The following CCDC9 variants were observed in gnomAD, a reference collection of about 807,000 sequenced individuals.
CCDC9 encodes coiled-coil domain containing 9.
In CCDC9, 52 loss-of-function variants were observed where a neutral mutation model predicts 65.6. That is an observed-to-expected ratio of 0.79 (90% confidence interval 0.63 to 1.00). The LOEUF (loss-of-function observed/expected upper bound fraction) is 1.00, where lower values mean the gene tolerates loss of function less well. Among genes scored for constraint, CCDC9 ranks in the 50% least tolerant of loss-of-function variants. The pLI, the probability that CCDC9 is intolerant of heterozygous loss-of-function variation, is 0.00. For missense variants in CCDC9, 834 were observed against 757.2 expected (o/e 1.10, Z -1.19); for synonymous variants, 332 against 280.3 (o/e 1.18, Z -1.84).
rs55857523 is a variant in CCDC9, at chr19:47,271,763, G to A, written c.*85G>A. ...CGCGCGCGCGCGCGCGCGCGCGCTA[G>A]AGGGGTGTGGCTGGTGGGGGACCCT... On this transcript the variant is annotated 3_prime_UTR_variant, in exon 12 of 12. Coordinates refer to ENST00000221922, the MANE Select transcript of CCDC9 (RefSeq NM_015603.3). 1.2e-5 allele frequency: 18 copies of A among 1,469,502 alleles called. No homozygotes were observed. The highest frequency in any genetic ancestry group is 1.4e-5 in the Non-Finnish European group (16 of 1,115,736). 91.0% of individuals were successfully genotyped at this position (1,469,502 alleles called of 1,614,324 possible).
chr19:47,270,196 T>C (rs2059106169), intron 8 of CCDC9, among the ~76,000 whole-genome samples: 1 of 152,002 alleles, frequency 6.6e-6, no homozygotes, highest in Admixed American at 6.6e-5. Context: ...CTTGAACTCC[T>C]GGGCTCAAGC....
At chr19:47,256,742 G>A (rs1420229369) in intron 1 of CCDC9, 133 bp downstream of exon 1, 1 of 143,870 alleles carries the variant, frequency 7.0e-6, no homozygotes, top group Non-Finnish European at 1.5e-5. Context: ...GCCCACATGG[G>A]AAGCTGGAGG....
chr19:47,271,652 G>C lies in CCDC9; in HGVS notation c.1570G>C (p.Glu524Gln). The change falls in exon 12 of 12, where the codon GAG (glutamate) becomes CAG (glutamine). Residue 524 changes from glutamate (E) to glutamine (Q), a missense_variant. Physicochemically the swap from Glu to Gln is conservative, Grantham distance 29. Coordinates refer to ENST00000221922, the MANE Select transcript of CCDC9 (RefSeq NM_015603.3). Reference protein sequence around the residue: ...THLAGALSPGEAWPFESV With the variant: ...THLAGALSPGQAWPFESV ...CCTGGCTGGCGCCCTCTCCCCGGGT[G>C]AGGCCTGGCCTTTTGAGAGTGTATG... is the stretch of plus-strand genomic sequence containing the variant. 6.2e-7 allele frequency: 1 copy of C among 1,602,614 alleles called. No homozygotes were observed. Among genetic ancestry groups the C allele is most frequent in the East Asian group, 2.2e-5 (1 of 44,538 alleles).
Position 47,258,672 on chromosome 19 carries a change from G to A in CCDC9, c.108+9G>A, listed in dbSNP as rs767524738. ...TCATCCGGCGCTACCAGGTGCCCTA[G>A]CCCCGCCCTGGGAGACCCCATCCCC... is the stretch of plus-strand genomic sequence containing the variant. On this transcript the variant is annotated intron_variant, in intron 3 of 11. Coordinates refer to ENST00000221922, the MANE Select transcript of CCDC9 (RefSeq NM_015603.3). The A allele has an allele frequency of 1.2e-6, 2 of 1,607,662 alleles. No individual in the cohort carries two copies. The highest frequency in any genetic ancestry group is 4.5e-5 in the East Asian group (2 of 44,856).
At chr19:47,265,417 A>G (rs1193190237) in intron 7 of CCDC9, among the ~76,000 whole-genome samples, 2 of 151,896 alleles carry the variant, frequency 1.3e-5, no homozygotes, top group South Asian at 2.1e-4. Context: ...ATCTCCCCTC[A>G]TTGTTAATGA....
intron 5 of CCDC9, among the ~76,000 whole-genome samples, chr19:47,261,517 G>A (rs1231609143): frequency 1.3e-5 from 2 of 151,992 alleles, no homozygotes; most frequent in Non-Finnish European, 2.9e-5. Context: ...CTTCCCCTGT[G>A]AGCTTCTGGT....
chr19:47,260,865 C>T, intron 5 of CCDC9, 26 bp downstream of exon 5: 2 of 1,594,968 alleles, frequency 1.3e-6, no homozygotes, highest in Admixed American at 1.8e-5. Flanking sequence ...CGCCTGGAGC[C>T]CTGGCTGAGG....
chr19:47,273,123 G>A (rs2059133862), downstream of CCDC9, among the ~76,000 whole-genome samples: 1 of 152,166 alleles, frequency 6.6e-6, no homozygotes, highest in South Asian at 2.1e-4. Context: ...TCGGGAGCCA[G>A]ATCTCGCCAC....
intron 7 of CCDC9, among the ~76,000 whole-genome samples, chr19:47,265,306 C>T (rs1233056718): frequency 1.3e-5 from 2 of 152,128 alleles, no homozygotes; most frequent in African/African-American, 2.4e-5. Flanking sequence ...CCACCTGCCT[C>T]GGCCTCCCAA....
In CCDC9 at chr19:47,267,989, A is replaced by G. The variant is rs541937153; in HGVS notation, c.902+1197A>G. 2.6e-5 allele frequency among the ~76,000 whole-genome samples: 4 copies of G among 152,216 alleles called. No individual in the cohort carries two copies. The East Asian group carries it at 7.7e-4, about 29-fold the overall frequency. On this transcript the variant is annotated intron_variant, in intron 8 of 11. Coordinates refer to ENST00000221922, the MANE Select transcript of CCDC9 (RefSeq NM_015603.3). ...CAGCCTCCTGAGTAGCTGGGATTAC[A>G]GGCACGTGCCACCACATCCAGCTAA...
chr19:47,262,060 A>G (rs912063100), intron 5 of CCDC9, among the ~76,000 whole-genome samples: 12 of 152,054 alleles, frequency 7.9e-5, no homozygotes, highest in South Asian at 4.1e-4. Context: ...TGGGCATGCC[A>G]AGCTGCTGTC....
At chr19:47,273,026 C>T (rs1429457707), downstream of CCDC9, among the ~76,000 whole-genome samples, 7 of 44,024 alleles carry the variant, frequency 1.6e-4, no homozygotes, top group Non-Finnish European at 2.1e-4. Context: ...TGATGAAGGC[C>T]GTGAGATGGG....
chr19:47,262,164 G>A (rs2059050152), intron 5 of CCDC9, among the ~76,000 whole-genome samples: 2 of 151,770 alleles, frequency 1.3e-5, no homozygotes, highest in Non-Finnish European at 2.9e-5. Context: ...GTGGTCCAGG[G>A]GGTGAGGCCC....
chr19:47,263,548 TA>T (rs1219662496), intron 5 of CCDC9, among the ~76,000 whole-genome samples: 2 of 152,224 alleles, frequency 1.3e-5, no homozygotes, highest in African/African-American at 4.8e-5. Context: ...TTATTTATTG[TA>T]TTTATTTAGT....
Position 47,271,166 on chromosome 19 carries a change from C to T in CCDC9, c.1170C>T (p.Ser390=). Residue 390 remains serine, a synonymous_variant, in exon 11 of 12, where the codon TCC becomes TCT. Transcript: ENST00000221922. ...ETPQPTSPET[S]PKETPMQPPE... ...CACAGCCTACTTCCCCCGAGACTTC[C>T]CCCAAGGAGACACCCATGCAGGTGA... is the stretch of plus-strand genomic sequence containing the variant. 1 of 1,596,770 alleles carries T rather than the reference C, an allele frequency of 6.3e-7. No individual in the cohort carries two copies. The highest frequency in any genetic ancestry group is 8.5e-7 in the Non-Finnish European group (1 of 1,173,380).
Position 47,260,579 on chromosome 19 carries a change from C to G in CCDC9, c.211-9C>G. The G allele has an allele frequency of 6.5e-7, 1 of 1,532,638 alleles. No homozygotes were observed. The highest frequency in any genetic ancestry group is 8.7e-7 in the Non-Finnish European group (1 of 1,147,458). The allele number at this position is 1,532,638 out of a possible 1,614,324, so 94.9% of individuals were successfully genotyped here. On this transcript the variant is annotated splice_polypyrimidine_tract_variant and intron_variant, in intron 4 of 11. Coordinates refer to ENST00000221922, the MANE Select transcript of CCDC9 (RefSeq NM_015603.3). ...AGTGACTGTATTTTCCCCATCTCCC[C>G]TCTTCCAGGAGAAGAACCTGGGTCC...
At chr19:47,257,922 C>CT (rs2059021492) in intron 1 of CCDC9, 1 of 178,498 alleles carries the variant, frequency 5.6e-6, no homozygotes, top group African/African-American at 2.4e-5. Flanking sequence ...GGGTCTGGAA[C>CT]TTTCTTTTGC....
chr19:47,272,854 C>T (rs138616106), downstream of CCDC9, among the ~76,000 whole-genome samples: 135 of 152,314 alleles, frequency 8.9e-4, 1 homozygote, highest in East Asian at 0.025. Context: ...CCCTCTCCAC[C>T]TACACTCCGT....
chr19:47,274,321 TC>T, downstream of CCDC9: 1 of 113,764 alleles, frequency 8.8e-6, no homozygotes, highest in East Asian at 2.9e-4. Context: ...GGGGGCGGGG[TC>T]AGCGCGCGCG....
Sources: allele counts gnomAD v4.1 joint callset (sites outside exome capture counted in the v4.1 genomes callset), GRCh38; gene constraint gnomAD v4.1.1; transcripts MANE v1.5; gene names NCBI Gene and HGNC (gene_info 2026-07-23, HGNC 2026-07-21).